Variants in MTIF2 observed in about 807,000 individuals in gnomAD.
MTIF2 encodes mitochondrial translational initiation factor 2.
A neutral mutation model predicts 83.5 loss-of-function variants in MTIF2; 71 were observed. The observed-to-expected ratio is 0.85, with a 90% CI of 0.70 to 1.04. The LOEUF (loss-of-function observed/expected upper bound fraction) is 1.04. Among genes scored for constraint, MTIF2 ranks in the 50% least tolerant of loss-of-function variants. The pLI is 0.00. For missense variants in MTIF2, 957 were observed against 846.5 expected (o/e 1.13, Z -1.62); for synonymous variants, 319 against 287.1 (o/e 1.11, Z -1.12).
At chr2:55,243,221 ATATC>A in intron 12 of MTIF2, 141 bp from the exon 13 acceptor site, 1 of 1,049,250 alleles carries the variant, frequency 9.5e-7, no homozygotes, top group East Asian at 2.6e-5. Context: ...AGCATTACAC[ATATC>A]TACTTGACTT....
At chr2:55,266,642 T>C (rs1678450404) in intron 3 of MTIF2, 1 of 149,172 alleles carries the variant, frequency 6.7e-6, no homozygotes, top group Non-Finnish European at 1.5e-5. Context: ...TTATATTTTC[T>C]ACTAGATAGT....
intron 4 of MTIF2, 102 bp downstream of exon 4, chr2:55,263,538 A>G: frequency 1.2e-6 from 1 of 830,688 alleles, no homozygotes; most frequent in South Asian, 1.8e-5. Flanking sequence ...TAAACCCAAG[A>G]GGCGTAGGTT....
rs574676074 is a variant in MTIF2, at chr2:55,254,522, A to C, written c.503+132T>G. 134 of 748,262 alleles carry C rather than the reference A, an allele frequency of 1.8e-4. 1 individual carries two copies. The East Asian group carries it at 3.8e-3, about 21-fold the overall frequency. The allele number at this position is 748,262 out of a possible 1,614,324, so 46.4% of individuals were successfully genotyped here. On this transcript the variant is annotated intron_variant, in intron 6 of 15. Coordinates refer to ENST00000263629, the MANE Select transcript of MTIF2 (RefSeq NM_002453.3). ...TGTATAATACACTTTCTAATGCTTT[A>C]AGTACTTCGAAGTTTATACACACAT...
chr2:55,241,747 G>A (rs960888438), intron 13 of MTIF2, among the ~76,000 whole-genome samples: 1 of 151,834 alleles, frequency 6.6e-6, no homozygotes, highest in Non-Finnish European at 1.5e-5. Flanking sequence ...GGAAGCTGGG[G>A]CAGGAGAATC....
At chr2:55,239,811 TC>T (rs1676164929) in intron 14 of MTIF2, among the ~76,000 whole-genome samples, 199 bp downstream of exon 14, 1 of 152,166 alleles carries the variant, frequency 6.6e-6, no homozygotes, top group African/African-American at 2.4e-5. Context: ...TTTTGTATCA[TC>T]AAGGCACAGG....
At chr2:55,255,093 TTAAGA>T (rs1677406900) in intron 5 of MTIF2, among the ~76,000 whole-genome samples, 1 of 152,030 alleles carries the variant, frequency 6.6e-6, no homozygotes, top group South Asian at 2.1e-4. Context: ...CAATAAAACA[TTAAGA>T]TAAATTTAGT....
rs549744405 is a variant in MTIF2, at chr2:55,254,337, C to T, written c.504-136G>A. 2.0e-5 allele frequency: 18 copies of T among 914,470 alleles called. No individual in the cohort carries two copies. The East Asian group carries it at 4.7e-4, about 24-fold the overall frequency. The allele number at this position is 914,470 out of a possible 1,614,324, so 56.6% of individuals were successfully genotyped here. A position where few individuals can be genotyped will look rare whatever the true frequency, so the allele number is the denominator to read the frequency against. ...ATTCAGTGTGGATTAGACCTATTTCCCCCTCCTATACATATGACAGACTAT... is the reference window on the plus strand; with the variant it reads ...ATTCAGTGTGGATTAGACCTATTTCTCCCTCCTATACATATGACAGACTAT... On this transcript the variant is annotated intron_variant, in intron 6 of 15. Coordinates refer to ENST00000263629, the MANE Select transcript of MTIF2 (RefSeq NM_002453.3).
chr2:55,249,160 A>G (rs1040655957), intron 9 of MTIF2, among the ~76,000 whole-genome samples: 10 of 152,134 alleles, frequency 6.6e-5, no homozygotes, highest in Non-Finnish European at 1.2e-4. Flanking sequence ...ATCTCATAAT[A>G]AAAAATATAT....
chr2:55,268,202 G>A (rs955188644), intron 2 of MTIF2, among the ~76,000 whole-genome samples: 1 of 151,846 alleles, frequency 6.6e-6, no homozygotes, highest in African/African-American at 2.4e-5. Flanking sequence ...GCAGTGAGCC[G>A]AGATCAGGCC....
At chr2:55,252,422 T>C (rs1341376770) in intron 8 of MTIF2, 55 bp downstream of exon 8, 9 of 1,493,484 alleles carry the variant, frequency 6.0e-6, no homozygotes, top group Non-Finnish European at 8.3e-6. Context: ...TATATGTAAA[T>C]GGCCCCAGAA....
intron 14 of MTIF2, 82 bp downstream of exon 14, chr2:55,239,929 T>C (rs1676175343): frequency 1.6e-6 from 2 of 1,232,428 alleles, no homozygotes; most frequent in Non-Finnish European, 2.2e-6. Context: ...ATTGAAAACG[T>C]TTCCTCTAAG....
chr2:55,236,821 C>T lies in MTIF2; in HGVS notation c.2012-1G>A. On this transcript the variant is annotated splice_acceptor_variant, in intron 15 of 15. Transcript: ENST00000263629. LOFTEE classifies it high-confidence loss of function. ...TGGTGTTTCAATGAGGTTAATGAGC[C>T]TTAAAAAAGATAATTTAAGGTTAGT... 1 of 1,571,784 alleles carries T rather than the reference C, an allele frequency of 6.4e-7. No homozygotes were observed. Among genetic ancestry groups the T allele is most frequent in the Non-Finnish European group, 8.6e-7 (1 of 1,166,262 alleles).
In MTIF2 at chr2:55,252,552, C is replaced by T. The variant is rs377246242; in HGVS notation, c.766G>A (p.Val256Ile). The T allele has an allele frequency of 3.8e-5, 62 of 1,613,982 alleles. No homozygotes were observed. The highest frequency in any genetic ancestry group is 9.3e-5 in the African/African-American group (7 of 74,920). ...CCATCATCTGCAGCTACAACCAATA[C>T]GACAATGTCAGTGACCTGAGCACCT... ...ARGAQVTDIV[V>I]LVVAADDGVM... Residue 256 changes from valine (V) to isoleucine (I), a missense_variant, in exon 8 of 16, where the codon GTA (valine) becomes ATA (isoleucine). Physicochemically the swap from Val to Ile is conservative, Grantham distance 29 (BLOSUM62 3). Coordinates refer to ENST00000263629, the MANE Select transcript of MTIF2 (RefSeq NM_002453.3).
chr2:55,262,264 G>T (rs895158121), intron 5 of MTIF2, 52 bp downstream of exon 5: 3 of 1,228,344 alleles, frequency 2.4e-6, no homozygotes, highest in Non-Finnish European at 3.6e-6. Context: ...CAAATAAAAT[G>T]CCCGGTCTTC....
chr2:55,245,654 CT>C (rs1676640770), intron 10 of MTIF2, among the ~76,000 whole-genome samples: 1 of 152,100 alleles, frequency 6.6e-6, no homozygotes, highest in Non-Finnish European at 1.5e-5. Flanking sequence ...TTCAACACGT[CT>C]GTTGCACAAC....
At chr2:55,262,165 A>G (rs113623575) in intron 5 of MTIF2, 151 bp downstream of exon 5, 2 of 617,672 alleles carry the variant, frequency 3.2e-6, no homozygotes, top group East Asian at 6.1e-5. Flanking sequence ...ACTAGGGATT[A>G]TGACTTAAAG....
intron 10 of MTIF2, among the ~76,000 whole-genome samples, chr2:55,244,440 A>C (rs1464266701): frequency 6.6e-6 from 1 of 152,214 alleles, no homozygotes; most frequent in Non-Finnish European, 1.5e-5. Flanking sequence ...CAGCAGGCTA[A>C]GGCAAGAGGA....
At chr2:55,245,254 G>C (rs1676607483) in intron 10 of MTIF2, among the ~76,000 whole-genome samples, 1 of 152,088 alleles carries the variant, frequency 6.6e-6, no homozygotes. Context: ...AGGTGTAGTG[G>C]CTCACGCCTG....
At position 55,262,327 on chromosome 2, in the gene MTIF2, T is replaced by C. The variant is rs575237933; in HGVS notation, c.320A>G (p.Glu107Gly). The C allele has an allele frequency of 4.6e-5, 74 of 1,610,870 alleles. 1 individual carries two copies. In the Middle Eastern group the frequency reaches 6.6e-4, roughly 14 times the overall value. ...MTIEELARAM[E>G]KNTDYVYEAL... is the part of the protein sequence containing the mutation. ...AATATCTGACTCACCTGTGTTTTTTTCCATTGCCCTGGCCAGTTCCTCAAT... is the reference window on the plus strand; with the variant it reads ...AATATCTGACTCACCTGTGTTTTTTCCCATTGCCCTGGCCAGTTCCTCAAT... Residue 107 changes from glutamate to glycine, a missense_variant, in exon 5 of 16, where the codon GAA (glutamate) becomes GGA (glycine). This residue lies in a region of MTIF2 where 733 missense variants were observed against 648.7 expected (regional missense o/e 1.13). Transcript: ENST00000263629.
Sources: gnomAD v4.1 joint callset for allele counts (sites outside exome capture counted in the v4.1 genomes callset) on GRCh38, gnomAD v4.1.1 for gene constraint, gnomAD v4.1.1 regional missense constraint, MANE v1.5 for transcripts, NCBI Gene and HGNC (gene_info 2026-07-23, HGNC 2026-07-21) for gene names.